The following KIF22 variants were observed in gnomAD, a reference collection of about 807,000 sequenced individuals.
KIF22 encodes the protein kinesin-like protein KIF22.
In KIF22, 62 loss-of-function variants were observed where a neutral mutation model predicts 73.0. The observed-to-expected ratio is 0.85, with a 90% CI of 0.69 to 1.05. The LOEUF (loss-of-function observed/expected upper bound fraction) is 1.05, where lower values mean the gene tolerates loss of function less well. Ranked by LOEUF, KIF22 falls within the 50% of genes least tolerant of loss-of-function variation. The pLI is 0.00. For synonymous variants in KIF22, 411 were observed against 340.1 expected, an observed-to-expected ratio of 1.21 and a Z score of -2.29; for missense variants, 854 against 870.1, an observed-to-expected ratio of 0.98 and a Z score of 0.23.
At position 29,805,139 on chromosome 16, in the gene KIF22, G is replaced by A. The variant is rs776012006; in HGVS notation, c.1915G>A (p.Gly639Ser). The A allele has an allele frequency of 2.1e-5, 34 of 1,613,660 alleles. No homozygotes were observed. The highest frequency in any genetic ancestry group is 2.6e-5 in the Non-Finnish European group (31 of 1,180,012). Residue 639 changes from glycine to serine, a missense_variant, in exon 13 of 14, where the codon GGC becomes AGC. Around this residue, in one of 3 missense-constraint regions of KIF22, gnomAD observed 423 missense variants for 365.4 expected, o/e 1.16. Transcript: ENST00000160827. ...GGTGGAGGACCTGGAACGCGTGGAGGGCATAACGGGGAAACAGATGGAGTC... is the reference window on the plus strand; with the variant it reads ...GGTGGAGGACCTGGAACGCGTGGAGAGCATAACGGGGAAACAGATGGAGTC... ...SQVEDLERVE[G>S]ITGKQMESFL...
Position 29,802,974 on chromosome 16 carries a change from TG to T in KIF22, c.1449+39del, listed in dbSNP as rs765833732. 1.9e-6 allele frequency: 3 copies of T among 1,598,350 alleles called. No individual in the cohort carries two copies. In the African/African-American group the frequency reaches 4.0e-5, roughly 21 times the overall value. Reference sequence around the variant, plus strand: ...AGGGATGTGGGAGCTGGATTCCTATTGGCCTTGAGAAGCAATCCTTGGATCT... The same window carrying T: ...AGGGATGTGGGAGCTGGATTCCTATTGCCTTGAGAAGCAATCCTTGGATCT... On this transcript the variant is annotated intron_variant, in intron 9 of 13. Coordinates refer to ENST00000160827, the MANE Select transcript of KIF22 (RefSeq NM_007317.3).
At chr16:29,791,688 C>G (rs770435217) in intron 1 of KIF22, among the ~76,000 whole-genome samples, 5 of 152,218 alleles carry the variant, frequency 3.3e-5, no homozygotes, top group Non-Finnish European at 7.3e-5. Context: ...CAGGTTGTTA[C>G]TATTACTGTC....
At chr16:29,794,371 C>T (rs1898897455) in intron 1 of KIF22, among the ~76,000 whole-genome samples, 1 of 152,168 alleles carries the variant, frequency 6.6e-6, no homozygotes, top group African/African-American at 2.4e-5. Flanking sequence ...ACCTTAATTA[C>T]TCTCCTAACA....
Position 29,798,385 on chromosome 16 carries a change from T to G in KIF22, c.278T>G (p.Phe93Cys). 6.4e-7 allele frequency: 1 copy of G among 1,561,610 alleles called. No homozygotes were observed. The highest frequency in any genetic ancestry group is 8.7e-7 in the Non-Finnish European group (1 of 1,145,090). The part of the protein sequence containing the change: ...QETLKYQFDA[F>C]YGERSTQQDI... Reference sequence around the variant, plus strand: ...CTTTCTTCCTGCAGGTTTGATGCCTTCTATGGGGAGAGGAGTACTCAGCAG... The same window carrying G: ...CTTTCTTCCTGCAGGTTTGATGCCTGCTATGGGGAGAGGAGTACTCAGCAG... The change falls in exon 3 of 14, where the codon TTC becomes TGC. Residue 93 changes from phenylalanine (F) to cysteine (C), a missense_variant. Physicochemically the swap from Phe to Cys is radical, Grantham distance 205. Around this residue, in one of 3 missense-constraint regions of KIF22, gnomAD observed 186 missense variants for 152.9 expected, o/e 1.22. Transcript: ENST00000160827. The surrounding 1 kb of genome is among the most constrained non-coding windows in gnomAD (Gnocchi z 4.1).
chr16:29,803,575 C>T lies in KIF22; in HGVS notation c.1576C>T (p.Leu526=). ...TCGCACAGTCACAGGGGCAAAGCCC[C>T]TGAAAAAGGCTGTGGTGATGCCCCT... ...SHRTVTGAKP[L]KKAVVMPLQL... The change falls in exon 10 of 14, where the codon CTG becomes TTG. Residue 526 remains leucine, a synonymous_variant. Transcript: ENST00000160827. 1 of 1,612,404 alleles carries T rather than the reference C, an allele frequency of 6.2e-7. No individual in the cohort carries two copies.
rs1268483375 is a variant in KIF22 at position 29,799,996 on chromosome 16, A to C, written c.1228A>C (p.Ile410Leu). Residue 410 changes from isoleucine to leucine, a missense_variant, in exon 8 of 14, where the codon ATC becomes CTC. Transcript: ENST00000160827. ...AGCCCGAGGCCCTGAGGAAGAGGAG[A>C]TCGGGAGCCCTGAGCCCATGGCAGC... ...KRARGPEEEE[I>L]GSPEPMAAPA... 6.2e-7 allele frequency: 1 copy of C among 1,614,064 alleles called. No homozygotes were observed. Among genetic ancestry groups the C allele is most frequent in the Non-Finnish European group, 8.5e-7 (1 of 1,180,020 alleles).
rs1315890500 is a variant in KIF22, at chr16:29,798,485, T to C, written c.378T>C (p.Tyr126=). The C allele has an allele frequency of 6.2e-7, 1 of 1,614,186 alleles. No homozygotes were observed. The highest frequency in any genetic ancestry group is 8.5e-7 in the Non-Finnish European group (1 of 1,180,044). ...LEGQNASVLA[Y]GPTGAGKTHT... Reference sequence around the variant, plus strand: ...GGCAGAATGCCAGTGTGCTTGCCTATGGACCCACAGGAGCTGGTGAGGGAG... The same window carrying C: ...GGCAGAATGCCAGTGTGCTTGCCTACGGACCCACAGGAGCTGGTGAGGGAG... The change falls in exon 3 of 14, where the codon TAT becomes TAC. Residue 126 remains tyrosine, a synonymous_variant. Transcript: ENST00000160827. This position sits in a 1 kb window ranked among gnomAD's most constrained non-coding sequence, Gnocchi z 4.1.
intron 8 of KIF22, among the ~76,000 whole-genome samples, chr16:29,801,014 G>A (rs527517748): frequency 1.3e-5 from 2 of 152,304 alleles, no homozygotes; most frequent in East Asian, 3.9e-4. Flanking sequence ...TCAGATCCAT[G>A]AGAGCAAAGC....
At chr16:29,790,929 A>G in intron 1 of KIF22, 100 bp downstream of exon 1, 2 of 1,522,218 alleles carry the variant, frequency 1.3e-6, no homozygotes, top group Non-Finnish European at 8.9e-7. Flanking sequence ...TGTCGCGGAG[A>G]GGCGGCCATG....
chr16:29,796,848 G>A, intron 1 of KIF22, 45 bp from the exon 2 acceptor site: 1 of 1,597,432 alleles, frequency 6.3e-7, no homozygotes, highest in Middle Eastern at 1.7e-4. Context: ...TGCTTCTTCT[G>A]CTACCACCAT....
At chr16:29,792,844 T>C (rs2142364819) in intron 1 of KIF22, among the ~76,000 whole-genome samples, 1 of 152,226 alleles carries the variant, frequency 6.6e-6, no homozygotes, top group East Asian at 1.9e-4. Flanking sequence ...TAACTTACAC[T>C]GCAAGGAAGG....
chr16:29,795,181 A>T (rs1156994164), intron 1 of KIF22, among the ~76,000 whole-genome samples: 2 of 152,218 alleles, frequency 1.3e-5, no homozygotes, highest in African/African-American at 4.8e-5. Context: ...GCACACATGC[A>T]TCTGCAGGTT....
chr16:29,803,251 G>A (rs1055318044), intron 9 of KIF22, 198 bp from the exon 10 acceptor site: 2 of 649,334 alleles, frequency 3.1e-6, no homozygotes, highest in Admixed American at 3.1e-5. Context: ...GCAGAGGCTT[G>A]TTCCACCTCT....
In KIF22 at chr16:29,799,441, CAG is replaced by C. The variant is rs1899053960; in HGVS notation, c.938_939del (p.Gln313ArgfsTer35). 6.2e-7 allele frequency: 1 copy of C among 1,614,230 alleles called. No individual in the cohort carries two copies. The highest frequency in any genetic ancestry group is 8.5e-7 in the Non-Finnish European group (1 of 1,180,036). ...VLGKVVDALN[Q>X]GLPRVPYRDS... is the part of the protein sequence containing the mutation. ...GGGCAAAGTGGTAGATGCGCTGAAT[CAG>C]GGCCTCCCTCGTGTACCTTATCGGG... On this transcript the variant is annotated frameshift_variant, in exon 6 of 14. Transcript: ENST00000160827. LOFTEE classifies it high-confidence loss of function.
intron 11 of KIF22, 126 bp downstream of exon 11, chr16:29,804,191 C>A: frequency 2.7e-6 from 2 of 752,152 alleles, no homozygotes; most frequent in Non-Finnish European, 4.7e-6. Flanking sequence ...ACTAACAGAC[C>A]TCAACTTGCT....
At chr16:29,799,587 G>T (rs1424390262) in intron 6 of KIF22, 41 bp from the exon 7 acceptor site, 1 of 1,613,208 alleles carries the variant, frequency 6.2e-7, no homozygotes, top group Admixed American at 1.7e-5. Flanking sequence ...GCATAGGAAG[G>T]CTGGGCTTCT....
intron 1 of KIF22, among the ~76,000 whole-genome samples, chr16:29,794,972 T>C (rs1898912758): frequency 6.6e-6 from 1 of 152,222 alleles, no homozygotes; most frequent in African/African-American, 2.4e-5. Flanking sequence ...AGAGCTGGAA[T>C]TGAAGTCCAC....
chr16:29,798,287 A>AG lies in KIF22; in HGVS notation c.267-87_267-86insG. ...GGTCCAGATGAGAGTAGAATCCCTT[A>AG]CCCACCCCCACCCCACTCCACCCCT... is the stretch of plus-strand genomic sequence containing the variant. On this transcript the variant is annotated intron_variant, in intron 2 of 13. Coordinates refer to ENST00000160827, the MANE Select transcript of KIF22 (RefSeq NM_007317.3). This position sits in a 1 kb window ranked among gnomAD's most constrained non-coding sequence, Gnocchi z 4.1. 6.3e-5 allele frequency: 37 copies of AG among 590,604 alleles called. No individual in the cohort carries two copies. The highest frequency in any genetic ancestry group is 9.6e-5 in the Non-Finnish European group (33 of 343,538). 36.6% of individuals were successfully genotyped at this position (590,604 alleles called of 1,614,324 possible). A position where few individuals can be genotyped will look rare whatever the true frequency, so the allele number is the denominator to read the frequency against.
intron 8 of KIF22, 128 bp from the exon 9 acceptor site, chr16:29,802,641 C>CT (rs1396247657): frequency 1.2e-6 from 1 of 860,238 alleles, no homozygotes; most frequent in African/African-American, 1.8e-5. Flanking sequence ...AACTGGATGC[C>CT]TAGCAAGTTA....
Sources: allele counts gnomAD v4.1 joint callset (sites outside exome capture counted in the v4.1 genomes callset), GRCh38; gene constraint gnomAD v4.1.1; regional missense constraint gnomAD v4.1.1; non-coding constraint Gnocchi (gnomAD v3.1); transcripts MANE v1.5; gene names NCBI Gene and HGNC (gene_info 2026-07-23, HGNC 2026-07-21).